TRRAP: variants seen among roughly 807,000 people sequenced by gnomAD.
TRRAP encodes the protein transformation/transcription domain-associated protein.
TRRAP carries 41 observed loss-of-function variants against 438.8 expected under a neutral mutation model. The ratio of observed to expected loss-of-function variants is 0.09; its 90% CI spans 0.07 to 0.12. TRRAP has a LOEUF of 0.12. TRRAP is among the 10% of genes least tolerant of loss of function. The pLI is 1.00. For missense variants in TRRAP, 3,122 were observed against 5,055.1 expected, an observed-to-expected ratio of 0.62 and a Z score of 11.60; for synonymous variants, 1,994 against 1,962.9, an observed-to-expected ratio of 1.02 and a Z score of -0.42.
At chr7:98,974,849 T>C (rs1461364593) in intron 53 of TRRAP, among the ~76,000 whole-genome samples, 1 of 152,138 alleles carries the variant, frequency 6.6e-6, no homozygotes, top group Non-Finnish European at 1.5e-5. Flanking sequence ...TAACATGTAA[T>C]AGTTTCTAAC....
At chr7:98,904,981 G>C (rs530396484) in intron 12 of TRRAP, among the ~76,000 whole-genome samples, 2 of 152,306 alleles carry the variant, frequency 1.3e-5, no homozygotes, top group Middle Eastern at 6.8e-3. Flanking sequence ...CCAGTGGTTT[G>C]AGAAAACCTG....
chr7:98,961,255 T>C lies in TRRAP; in HGVS notation c.6490-6T>C, dbSNP rs1791879266. On this transcript the variant is annotated splice_region_variant and splice_polypyrimidine_tract_variant and intron_variant, in intron 45 of 72. Transcript: ENST00000456197. ...CTCTGTGAGTGGCCTGTGTTGTCCA[T>C]TGCAGGAGCAGCCAAACCAAGTGAA... 1.2e-6 allele frequency: 2 copies of C among 1,613,974 alleles called. No individual in the cohort carries two copies. The highest frequency in any genetic ancestry group is 2.7e-5 in the African/African-American group (2 of 75,032).
intron 67 of TRRAP, chr7:98,999,162 A>G: frequency 1.9e-6 from 3 of 1,579,962 alleles, no homozygotes; most frequent in Non-Finnish European, 2.6e-6. Context: ...GAACCTGGCC[A>G]TCTCTGATCT....
Position 98,925,201 on chromosome 7 carries a change from G to C in TRRAP, c.2913G>C (p.Leu971=). 1 of 1,614,170 alleles carries C rather than the reference G, an allele frequency of 6.2e-7. No individual in the cohort carries two copies. Among genetic ancestry groups the C allele is most frequent in the East Asian group, 2.2e-5 (1 of 44,890 alleles). ...RQAWEVIKCF[L]VAMMSLEDNK... Reference sequence around the variant, plus strand: ...CGTGGGAAGTGATCAAATGCTTCCTGGTGGCCATGATGAGCCTGGAGGACA... The same window carrying C: ...CGTGGGAAGTGATCAAATGCTTCCTCGTGGCCATGATGAGCCTGGAGGACA... Residue 971 remains leucine (L), a synonymous_variant, in exon 22 of 73, where the codon CTG becomes CTC. Coordinates refer to ENST00000456197, the MANE Select transcript of TRRAP (RefSeq NM_001375524.1).
At chr7:98,954,957 G>T in intron 40 of TRRAP, 141 bp from the exon 41 acceptor site, 1 of 789,944 alleles carries the variant, frequency 1.3e-6, no homozygotes. Flanking sequence ...AAGCAACTAA[G>T]TTGTTTCCTA....
chr7:98,991,034 A>G (rs942285770), intron 64 of TRRAP, among the ~76,000 whole-genome samples: 8 of 152,162 alleles, frequency 5.3e-5, no homozygotes, highest in Admixed American at 1.3e-4. Context: ...AACATGCCCA[A>G]TTGTGGCTGT....
At chr7:98,928,637 G>C (rs1790163984) in intron 23 of TRRAP, among the ~76,000 whole-genome samples, 1 of 152,172 alleles carries the variant, frequency 6.6e-6, no homozygotes, top group Non-Finnish European at 1.5e-5. Flanking sequence ...GGATGCCGTT[G>C]CTTTTTGTTG....
intron 3 of TRRAP, among the ~76,000 whole-genome samples, chr7:98,886,721 T>C (rs934260781): frequency 6.6e-6 from 1 of 152,088 alleles, no homozygotes; most frequent in Admixed American, 6.5e-5. Flanking sequence ...TGAGTGAAAT[T>C]TAAAAACTCC....
Position 98,948,430 on chromosome 7 carries a change from A to G in TRRAP, c.4668+90A>G, listed in dbSNP as rs2116603925. ...TGATCGTATTTTCAATGGACGGAAC[A>G]GCATAAAGACGTTCGATGTCAACAT... is the stretch of plus-strand genomic sequence containing the variant. On this transcript the variant is annotated intron_variant, in intron 34 of 72. Coordinates refer to ENST00000456197, the MANE Select transcript of TRRAP (RefSeq NM_001375524.1). The surrounding 1 kb of genome is among the most constrained non-coding windows in gnomAD (Gnocchi z 4.9). 6 of 1,609,664 alleles carry G rather than the reference A, an allele frequency of 3.7e-6. No homozygotes were observed. The East Asian group carries it at 1.1e-4, about 30-fold the overall frequency.
intron 7 of TRRAP, among the ~76,000 whole-genome samples, chr7:98,896,846 G>A (rs1397728448): frequency 2.6e-5 from 4 of 152,132 alleles, no homozygotes; most frequent in African/African-American, 4.8e-5. Flanking sequence ...GTCAAAGCCC[G>A]AGCGCTGCTT....
chr7:98,991,499 T>C (rs1259825271), intron 64 of TRRAP, among the ~76,000 whole-genome samples: 1 of 152,184 alleles, frequency 6.6e-6, no homozygotes, highest in East Asian at 1.9e-4. Flanking sequence ...CCGACCTACT[T>C]GGTCTCATCA....
At position 99,011,586 on chromosome 7, in the gene TRRAP, G is replaced by GCC; in HGVS notation, c.11337+53_11337+54dup. On this transcript the variant is annotated intron_variant, in intron 72 of 72. Coordinates refer to ENST00000456197, the MANE Select transcript of TRRAP (RefSeq NM_001375524.1). The surrounding 1 kb of genome is among the most constrained non-coding windows in gnomAD (Gnocchi z 7.1). ...AGGCGCAGGCTAGAGCCACTCAGATGCCCGCGCGTCACGGCCTTGCAGGAG... is the reference window on the plus strand; with the variant it reads ...AGGCGCAGGCTAGAGCCACTCAGATGCCCCCGCGCGTCACGGCCTTGCAGGAG... The GCC allele has an allele frequency of 6.3e-7, 1 of 1,575,794 alleles. No individual in the cohort carries two copies. The highest frequency in any genetic ancestry group is 2.2e-5 in the East Asian group (1 of 44,632).
intron 62 of TRRAP, among the ~76,000 whole-genome samples, chr7:98,986,271 G>A (rs1180793262): frequency 1.3e-5 from 2 of 152,178 alleles, no homozygotes; most frequent in Non-Finnish European, 2.9e-5. Context: ...CTTTGTGTGA[G>A]CATGTTTGAG....
chr7:98,928,961 G>A (rs1425208925), intron 23 of TRRAP, among the ~76,000 whole-genome samples: 13 of 146,850 alleles, frequency 8.9e-5, no homozygotes, highest in Non-Finnish European at 1.8e-4. Context: ...TTTTTCAGAC[G>A]GGGTCTTGCT....
intron 11 of TRRAP, among the ~76,000 whole-genome samples, chr7:98,902,234 G>A (rs1477980201): frequency 6.6e-6 from 1 of 152,186 alleles, no homozygotes; most frequent in Non-Finnish European, 1.5e-5. Context: ...AACTGATGAA[G>A]AAGTTCTGGG....
intron 3 of TRRAP, among the ~76,000 whole-genome samples, chr7:98,883,105 G>A (rs1795536505): frequency 6.6e-6 from 1 of 152,224 alleles, no homozygotes; most frequent in Admixed American, 6.5e-5. Flanking sequence ...CTCTATTGTG[G>A]ACCTCACATC....
At position 98,993,087 on chromosome 7, in the gene TRRAP, C is replaced by A. The variant is rs557663142; in HGVS notation, c.9848-451C>A. Among the ~76,000 whole-genome samples, 6 of 152,284 alleles carry A rather than the reference C, an allele frequency of 3.9e-5. No homozygotes were observed. In the South Asian group the frequency reaches 8.3e-4, roughly 21 times the overall value. ...TTGGCTTGGCTTTCCAAACCAGTTT[C>A]CTATTAACTGCTTTTAGATTCTCTG... On this transcript the variant is annotated intron_variant, in intron 65 of 72. Transcript: ENST00000456197.
intron 1 of TRRAP, among the ~76,000 whole-genome samples, chr7:98,879,950 C>T (rs782561157): frequency 1.3e-5 from 2 of 152,120 alleles, no homozygotes; most frequent in Non-Finnish European, 2.9e-5. Context: ...CAGGATTATG[C>T]AAGGAGGAGG....
chr7:98,943,637 A>G (rs1408738161), intron 31 of TRRAP, among the ~76,000 whole-genome samples: 1 of 152,210 alleles, frequency 6.6e-6, no homozygotes, highest in Non-Finnish European at 1.5e-5. Context: ...TAAAGTGTCT[A>G]TTGTGGGTCA....
Sources: allele counts gnomAD v4.1 joint callset (sites outside exome capture counted in the v4.1 genomes callset), GRCh38; gene constraint gnomAD v4.1.1; non-coding constraint Gnocchi (gnomAD v3.1); transcripts MANE v1.5; gene names NCBI Gene and HGNC (gene_info 2026-07-23, HGNC 2026-07-21).